The following SYNGR1 variants were observed in gnomAD, a reference collection of about 807,000 sequenced individuals.
SYNGR1 encodes the protein synaptogyrin-1.
In SYNGR1, 14 loss-of-function variants were observed where a neutral mutation model predicts 26.1. The ratio of observed to expected loss-of-function variants is 0.54; its 90% CI spans 0.35 to 0.84. The LOEUF (loss-of-function observed/expected upper bound fraction) is 0.84, where lower values mean the gene tolerates loss of function less well. SYNGR1 is among the 40% of genes least tolerant of loss of function. The pLI, the probability that SYNGR1 is intolerant of heterozygous loss-of-function variation, is 0.01. For missense variants in SYNGR1, 319 were observed against 332.9 expected, an observed-to-expected ratio of 0.96 and a Z score of 0.33; for synonymous variants, 141 against 150.1, an observed-to-expected ratio of 0.94 and a Z score of 0.44.
intron 1 of SYNGR1, among the ~76,000 whole-genome samples, chr22:39,353,885 G>A (rs1924026152): frequency 6.6e-6 from 1 of 152,088 alleles, no homozygotes; most frequent in Admixed American, 6.6e-5. Flanking sequence ...TTGTTTTTGA[G>A]ATGGAGTCTC....
intron 3 of SYNGR1, among the ~76,000 whole-genome samples, chr22:39,380,706 C>T (rs955627280): frequency 1.5e-4 from 22 of 149,326 alleles, no homozygotes; most frequent in Non-Finnish European, 2.8e-4. Context: ...CTGCAACCTC[C>T]GCCTCCTGGG....
intron 1 of SYNGR1, among the ~76,000 whole-genome samples, chr22:39,371,376 T>C (rs899892521): frequency 1.3e-5 from 2 of 150,922 alleles, no homozygotes; most frequent in African/African-American, 4.9e-5. Context: ...CTCGGGAGGC[T>C]GAGGCAGGAG....
Position 39,350,354 on chromosome 22 carries a change from G to C in SYNGR1, c.99+245G>C, listed in dbSNP as rs994468164. 2.0e-5 allele frequency among the ~76,000 whole-genome samples: 3 copies of C among 152,094 alleles called. No individual in the cohort carries two copies. The highest frequency in any genetic ancestry group is 7.2e-5 in the African/African-American group (3 of 41,446). On this transcript the variant is annotated intron_variant, in intron 1 of 3. Coordinates refer to ENST00000328933, the MANE Select transcript of SYNGR1 (RefSeq NM_004711.5). This position sits in a 1 kb window ranked among gnomAD's most constrained non-coding sequence, Gnocchi z 4.3. ...CGGCTCCCGGAGCCCTGGTTTCCTG[G>C]GGCCCCCGGTTCGTGCGCCCCCCTT...
chr22:39,380,639 T>G, intron 3 of SYNGR1, among the ~76,000 whole-genome samples: 1 of 147,160 alleles, frequency 6.8e-6, no homozygotes, highest in East Asian at 1.9e-4. Flanking sequence ...TTTTTTTTTT[T>G]TGAGACAGTC....
intron 1 of SYNGR1, among the ~76,000 whole-genome samples, chr22:39,360,047 C>T (rs1426925446): frequency 6.6e-6 from 1 of 152,214 alleles, no homozygotes; most frequent in Non-Finnish European, 1.5e-5. Flanking sequence ...GCAGCTCCAG[C>T]CCTTCTGCGC....
At chr22:39,359,039 G>A (rs1161399647) in intron 1 of SYNGR1, among the ~76,000 whole-genome samples, 2 of 152,212 alleles carry the variant, frequency 1.3e-5, no homozygotes, top group Non-Finnish European at 2.9e-5. Context: ...ACAGTGCAGG[G>A]GGCAAGAGTC....
intron 1 of SYNGR1, among the ~76,000 whole-genome samples, chr22:39,364,633 G>A (rs1187098085): frequency 6.6e-6 from 1 of 152,106 alleles, no homozygotes; most frequent in Non-Finnish European, 1.5e-5. Flanking sequence ...AGGGCAAAGA[G>A]GAGTTCGCTC....
intron 3 of SYNGR1, 35 bp from the exon 4 acceptor site, chr22:39,381,661 C>A: frequency 6.2e-7 from 1 of 1,611,122 alleles, no homozygotes. Context: ...CACCCCCTCC[C>A]GCCTGTCCTT....
At chr22:39,377,967 G>T in intron 3 of SYNGR1, 1 of 1,278,736 alleles carries the variant, frequency 7.8e-7, no homozygotes, top group Non-Finnish European at 1.0e-6. Context: ...GGAGCCCACA[G>T]GCTGGGGAGG....
chr22:39,356,710 G>T (rs1045789598), intron 1 of SYNGR1, among the ~76,000 whole-genome samples: 1 of 152,208 alleles, frequency 6.6e-6, no homozygotes, highest in Non-Finnish European at 1.5e-5. Context: ...GGTGGGAGGG[G>T]AGGCAGGGTA....
intron 1 of SYNGR1, among the ~76,000 whole-genome samples, chr22:39,353,698 C>T (rs1037128871): frequency 5.9e-5 from 9 of 152,182 alleles, no homozygotes; most frequent in African/African-American, 2.2e-4. Context: ...GTCAGTGACT[C>T]ATTTCTTTGT....
chr22:39,367,396 G>A (rs1924811141), intron 1 of SYNGR1, among the ~76,000 whole-genome samples: 1 of 152,206 alleles, frequency 6.6e-6, no homozygotes, highest in Non-Finnish European at 1.5e-5. Context: ...AGTCTTCCAG[G>A]GAGGAAAACA....
At chr22:39,372,737 G>A (rs1489743942) in intron 1 of SYNGR1, among the ~76,000 whole-genome samples, 1 of 152,076 alleles carries the variant, frequency 6.6e-6, no homozygotes, top group Non-Finnish European at 1.5e-5. Flanking sequence ...CCAAAGTGCT[G>A]GGATTACAGG....
chr22:39,364,751 A>T (rs1601656873), intron 1 of SYNGR1, among the ~76,000 whole-genome samples: 1 of 152,214 alleles, frequency 6.6e-6, no homozygotes, highest in Admixed American at 6.5e-5. Context: ...GGGGAGGGGG[A>T]CAGATGAGAT....
At chr22:39,360,968 A>G (rs111456038) in intron 1 of SYNGR1, among the ~76,000 whole-genome samples, 1 of 152,194 alleles carries the variant, frequency 6.6e-6, no homozygotes, top group Non-Finnish European at 1.5e-5. Context: ...TAGGGCCCCA[A>G]CTATGGATGG....
At position 39,350,207 on chromosome 22, in the gene SYNGR1, G is replaced by GC; in HGVS notation, c.99+103dup. 1 of 821,910 alleles carries GC rather than the reference G, an allele frequency of 1.2e-6. No individual in the cohort carries two copies. The highest frequency in any genetic ancestry group is 1.6e-6 in the Non-Finnish European group (1 of 642,880). 50.9% of individuals were successfully genotyped at this position (821,910 alleles called of 1,614,324 possible). The stretch of plus-strand genomic sequence containing the variant: ...CCGACCCCGACCCCGACCCCAACGG[G>GC]CCCCCGGCGGCGGCGCGGCGGCGGG... On this transcript the variant is annotated intron_variant, in intron 1 of 3. Coordinates refer to ENST00000328933, the MANE Select transcript of SYNGR1 (RefSeq NM_004711.5). This position sits in a 1 kb window ranked among gnomAD's most constrained non-coding sequence, Gnocchi z 4.3.
At chr22:39,358,419 C>G (rs111915022) in intron 1 of SYNGR1, among the ~76,000 whole-genome samples, 1 of 152,190 alleles carries the variant, frequency 6.6e-6, no homozygotes, top group Non-Finnish European at 1.5e-5. Flanking sequence ...AAGCTTTGTT[C>G]GTCTGCTCGT....
chr22:39,355,704 A>G (rs892400921), intron 1 of SYNGR1, among the ~76,000 whole-genome samples: 1 of 152,138 alleles, frequency 6.6e-6, no homozygotes, highest in Non-Finnish European at 1.5e-5. Context: ...GGGTTTGGGG[A>G]GGCCTCGAGA....
chr22:39,370,625 ATT>A (rs199903324), intron 1 of SYNGR1, among the ~76,000 whole-genome samples: 56 of 137,078 alleles, frequency 4.1e-4, no homozygotes, highest in African/African-American at 1.1e-3. Context: ...GTCTCTAACC[ATT>A]TTTTTTTTTT....
Sources: allele counts gnomAD v4.1 joint callset (sites outside exome capture counted in the v4.1 genomes callset), GRCh38; gene constraint gnomAD v4.1.1; non-coding constraint Gnocchi (gnomAD v3.1); transcripts MANE v1.5; gene names NCBI Gene and HGNC (gene_info 2026-07-23, HGNC 2026-07-21).